KHDRBS2: variants seen among roughly 807,000 people sequenced by gnomAD.
KHDRBS2 encodes the protein KH domain-containing, RNA-binding, signal transduction-associated protein 2.
In KHDRBS2, 26 loss-of-function variants were observed where a neutral mutation model predicts 44.3. The observed-to-expected ratio is 0.59, with a 90% CI of 0.43 to 0.81. KHDRBS2 has a LOEUF of 0.81. KHDRBS2 is among the 40% of genes least tolerant of loss of function. The probability of loss-of-function intolerance (pLI) is 0.00; values close to 1 mark genes in which losing one functional copy is unlikely to be tolerated. For missense variants in KHDRBS2, 476 were observed against 433.1 expected (o/e 1.10, Z -0.88); for synonymous variants, 194 against 151.1 (o/e 1.28, Z -2.08).
At chr6:61,613,180 T>C in the KHDRBS2 span, among the ~76,000 whole-genome samples, 3,696 of 152,244 alleles carry the variant, frequency 0.024, 71 homozygotes, top group Middle Eastern at 0.085. Flanking sequence ...TATTTGTTTA[T>C]TGTTTCTTTT....
chr6:61,829,486 T>A (rs191108326), intron 6 of KHDRBS2, among the ~76,000 whole-genome samples: 52 of 152,198 alleles, frequency 3.4e-4, no homozygotes, highest in African/African-American at 1.2e-3. Context: ...TTAAGGAGAT[T>A]GCTTTGTTAT....
rs1788058157 is a variant in KHDRBS2 at position 62,047,879 on chromosome 6, T to C, written c.335A>G (p.Lys112Arg). ...LGKGSMRDKA[K>R]EEELRKSGEA... ...AATATTAGATTCAAAGTTCAGTACC[T>C]TAGCTTTATCTCTCATTGATCCTTT... The change falls in exon 3 of 9, where the codon AAG becomes AGG. Residue 112 changes from lysine to arginine, a missense_variant and splice_region_variant. Transcript: ENST00000281156. 1.3e-6 allele frequency: 2 copies of C among 1,590,450 alleles called. No individual in the cohort carries two copies. Among genetic ancestry groups the C allele is most frequent in the African/African-American group, 1.3e-5 (1 of 74,288 alleles).
intron 4 of KHDRBS2, 24 bp downstream of exon 4, chr6:61,978,042 T>C (rs1421613882): frequency 3.2e-6 from 5 of 1,559,980 alleles, no homozygotes; most frequent in Admixed American, 4.2e-5. Flanking sequence ...AGAAACATCT[T>C]TGTAAAAAAT....
intron 3 of KHDRBS2, among the ~76,000 whole-genome samples, chr6:62,028,269 T>C (rs1292781377): frequency 2.0e-5 from 3 of 152,112 alleles, no homozygotes. Flanking sequence ...AATGTATATT[T>C]TATTTGTAAA....
chr6:61,779,511 G>A (rs1323381899), intron 6 of KHDRBS2, among the ~76,000 whole-genome samples: 1 of 152,012 alleles, frequency 6.6e-6, no homozygotes, highest in Non-Finnish European at 1.5e-5. Flanking sequence ...AGAATATAGT[G>A]GCAAATAATA....
chr6:61,639,009 G>A, the KHDRBS2 span, among the ~76,000 whole-genome samples: 1 of 152,068 alleles, frequency 6.6e-6, no homozygotes, highest in South Asian at 2.1e-4. Flanking sequence ...CCTCTAAGTG[G>A]AGCATCTAGC....
chr6:61,600,072 T>A, the KHDRBS2 span, among the ~76,000 whole-genome samples: 2,455 of 152,308 alleles, frequency 0.016, 29 homozygotes, highest in Non-Finnish European at 0.025. Flanking sequence ...TTTCACTTGT[T>A]AATCTTAAAT....
chr6:62,193,672 A>C (rs1426289486), intron 1 of KHDRBS2, among the ~76,000 whole-genome samples: 1 of 152,118 alleles, frequency 6.6e-6, no homozygotes, highest in African/African-American at 2.4e-5. Flanking sequence ...TTCCAAAGTT[A>C]CTGTACCATT....
intron 2 of KHDRBS2, among the ~76,000 whole-genome samples, chr6:62,161,504 C>T (rs1817612849): frequency 7.6e-6 from 1 of 131,800 alleles, no homozygotes; most frequent in South Asian, 2.4e-4. Flanking sequence ...GTGAGAATTG[C>T]ATAGGTTGTA....
chr6:62,164,245 A>G (rs1818223728), intron 2 of KHDRBS2, among the ~76,000 whole-genome samples: 1 of 151,944 alleles, frequency 6.6e-6, no homozygotes, highest in Non-Finnish European at 1.5e-5. Flanking sequence ...TTCCTATGAG[A>G]GTTTATATAA....
intron 1 of KHDRBS2, among the ~76,000 whole-genome samples, chr6:62,219,636 G>T (rs1336403282): frequency 6.6e-6 from 1 of 151,034 alleles, no homozygotes; most frequent in African/African-American, 2.4e-5. Flanking sequence ...ATATGGAATC[G>T]ATATTAGATA....
At chr6:61,618,870 TC>T in the KHDRBS2 span, among the ~76,000 whole-genome samples, 1 of 152,204 alleles carries the variant, frequency 6.6e-6, no homozygotes, top group African/African-American at 2.4e-5. Flanking sequence ...TTAATTGTTT[TC>T]CCATGTATAG....
At chr6:62,201,482 A>C (rs1826978746) in intron 1 of KHDRBS2, among the ~76,000 whole-genome samples, 1 of 152,140 alleles carries the variant, frequency 6.6e-6, no homozygotes, top group African/African-American at 2.4e-5. Context: ...TTTACCTAGC[A>C]TATAAATAGG....
At chr6:61,613,405 G>A in the KHDRBS2 span, among the ~76,000 whole-genome samples, 1 of 152,082 alleles carries the variant, frequency 6.6e-6, no homozygotes, top group Non-Finnish European at 1.5e-5. Flanking sequence ...AATGCTTGAG[G>A]CCTTAGGAAT....
intron 6 of KHDRBS2, among the ~76,000 whole-genome samples, chr6:61,874,806 T>C (rs16900268): frequency 0.067 from 10,180 of 152,192 alleles, 407 homozygotes; most frequent in Middle Eastern, 0.13. Flanking sequence ...TAGTCAGAAC[T>C]GATGCCATGA....
At chr6:62,095,282 G>A (rs184984598) in intron 2 of KHDRBS2, among the ~76,000 whole-genome samples, 6 of 151,778 alleles carry the variant, frequency 4.0e-5, no homozygotes, top group Non-Finnish European at 8.9e-5. Flanking sequence ...ATAAAACACC[G>A]ATGAAAGATA....
chr6:61,574,492 C>T, the KHDRBS2 span: 1 of 1,134,296 alleles, frequency 8.8e-7, no homozygotes. Flanking sequence ...ACCAAACCTG[C>T]ATTAAAAATT....
intron 3 of KHDRBS2, among the ~76,000 whole-genome samples, chr6:62,013,864 A>C (rs1236906390): frequency 1.3e-5 from 2 of 152,196 alleles, no homozygotes; most frequent in African/African-American, 4.8e-5. Context: ...GATGTGGCAA[A>C]TCGCAGAACG....
chr6:61,729,145 C>A (rs542867625), intron 7 of KHDRBS2, among the ~76,000 whole-genome samples: 5 of 152,052 alleles, frequency 3.3e-5, no homozygotes, highest in African/African-American at 7.2e-5. Flanking sequence ...TACTAGGCAG[C>A]CATAAAAAAG....
Sources: allele counts gnomAD v4.1 joint callset (sites outside exome capture counted in the v4.1 genomes callset), GRCh38; gene constraint gnomAD v4.1.1; transcripts MANE v1.5; gene names NCBI Gene and HGNC (gene_info 2026-07-23, HGNC 2026-07-21).